ACACB: variants seen among roughly 807,000 people sequenced by gnomAD.
ACACB encodes acetyl-CoA carboxylase beta.
A neutral mutation model predicts 278.8 loss-of-function variants in ACACB; 209 were observed. The observed-to-expected ratio is 0.75, with a 90% CI of 0.67 to 0.84. The LOEUF (loss-of-function observed/expected upper bound fraction) is 0.84, where lower values mean the gene tolerates loss of function less well. ACACB is among the 40% of genes least tolerant of loss of function. The pLI is 0.00. For missense variants in ACACB, 2,850 were observed against 3,269.0 expected, an observed-to-expected ratio of 0.87 and a Z score of 3.13; for synonymous variants, 1,174 against 1,285.6, an observed-to-expected ratio of 0.91 and a Z score of 1.86.
chr12:109,164,851 G>A (rs2043847042), intron 2 of ACACB, among the ~76,000 whole-genome samples: 1 of 148,342 alleles, frequency 6.7e-6, no homozygotes, highest in African/African-American at 2.5e-5. Flanking sequence ...CCAAGGTGCT[G>A]GGATTACAGG....
intron 10 of ACACB, 129 bp from the exon 11 acceptor site, chr12:109,179,788 G>A (rs1231488353): frequency 9.0e-7 from 1 of 1,114,924 alleles, no homozygotes; most frequent in African/African-American, 1.6e-5. Flanking sequence ...ACCACACCTG[G>A]CCAGTCCCAA....
intron 51 of ACACB, 53 bp from the exon 52 acceptor site, chr12:109,265,336 C>G (rs562936713): frequency 6.2e-7 from 1 of 1,610,492 alleles, no homozygotes; most frequent in Non-Finnish European, 8.5e-7. Context: ...GGGGCTGAGA[C>G]AGCTGGCCCA....
chr12:109,258,509 G>C, intron 46 of ACACB, 145 bp downstream of exon 46: 1 of 627,354 alleles, frequency 1.6e-6, no homozygotes, highest in South Asian at 2.0e-5. Flanking sequence ...GGGGGGCTCA[G>C]TGCCTGTTTC....
At chr12:109,203,498 TA>T (rs2045398636) in intron 19 of ACACB, among the ~76,000 whole-genome samples, 1 of 152,248 alleles carries the variant, frequency 6.6e-6, no homozygotes, top group African/African-American at 2.4e-5. Context: ...CTTGTTGCTT[TA>T]TTATTTGGCC....
At chr12:109,242,613 G>A (rs1285042652) in intron 37 of ACACB, 21 bp downstream of exon 37, 4 of 1,613,296 alleles carry the variant, frequency 2.5e-6, no homozygotes, top group South Asian at 1.1e-5. Context: ...CGGCTCAGAC[G>A]CGGTACCCCC....
At chr12:109,199,627 C>A in intron 18 of ACACB, 75 bp downstream of exon 18, 1 of 1,318,466 alleles carries the variant, frequency 7.6e-7, no homozygotes, top group Admixed American at 3.0e-5. Flanking sequence ...CATGTCTGAA[C>A]AAACAGGCCT....
At chr12:109,210,222 T>TATGTATATATGTATATATACACACAC (rs2045729585) in intron 21 of ACACB, among the ~76,000 whole-genome samples, 3 of 11,602 alleles carry the variant, frequency 2.6e-4, no homozygotes, top group Admixed American at 1.1e-3. Context: ...TATACACACA[T>TATGTATATATGTATATATACACACAC]GTGTGTATAT....
At chr12:109,169,016 G>T (rs935277846) in intron 4 of ACACB, among the ~76,000 whole-genome samples, 2 of 151,770 alleles carry the variant, frequency 1.3e-5, no homozygotes, top group African/African-American at 4.8e-5. Context: ...ATGGTGGCAG[G>T]TGCCTGTAGT....
rs1388414887 is a variant in ACACB, at chr12:109,185,748, A to T, written c.1980+8A>T. Reference sequence around the variant, plus strand: ...AGCGAAAACCCAGACGAGGCAAGTTATGGGGGCCCCTGTGTTTCCACCATC... The same window carrying T: ...AGCGAAAACCCAGACGAGGCAAGTTTTGGGGGCCCCTGTGTTTCCACCATC... On this transcript the variant is annotated splice_region_variant and intron_variant, in intron 12 of 52. Coordinates refer to ENST00000338432, the MANE Select transcript of ACACB (RefSeq NM_001093.4). The T allele has an allele frequency of 1.9e-6, 3 of 1,604,740 alleles. No homozygotes were observed. Among genetic ancestry groups the T allele is most frequent in the East Asian group, 2.3e-5 (1 of 44,402 alleles).
intron 41 of ACACB, 129 bp from the exon 42 acceptor site, chr12:109,251,917 C>T (rs769996206): frequency 5.0e-6 from 3 of 598,590 alleles, no homozygotes; most frequent in Non-Finnish European, 8.4e-6. Context: ...TGGTTTGGCT[C>T]CAAATCGGGT....
At chr12:109,187,550 C>T (rs1385768285) in intron 12 of ACACB, among the ~76,000 whole-genome samples, 1 of 151,856 alleles carries the variant, frequency 6.6e-6, no homozygotes, top group East Asian at 1.9e-4. Context: ...AGCCTAATCT[C>T]CTGGGCTCAA....
intron 2 of ACACB, among the ~76,000 whole-genome samples, chr12:109,141,141 G>A (rs902290415): frequency 5.3e-5 from 8 of 151,818 alleles, no homozygotes; most frequent in Non-Finnish European, 7.4e-5. Context: ...GGACTCAAGC[G>A]ATCCTCGGTC....
chr12:109,169,182 G>GTCAGGTCT (rs1407109544), intron 4 of ACACB, among the ~76,000 whole-genome samples: 5 of 145,790 alleles, frequency 3.4e-5, no homozygotes, highest in Non-Finnish European at 7.5e-5. Flanking sequence ...ACCAACATAA[G>GTCAGGTCT]TCAGGTCTTC....
chr12:109,199,428 C>T lies in ACACB; in HGVS notation c.2654C>T (p.Thr885Met), dbSNP rs775472026. 7.8e-6 allele frequency: 12 copies of T among 1,537,578 alleles called. No individual in the cohort carries two copies. In the Admixed American group the frequency reaches 1.6e-4, roughly 20 times the overall value. The change falls in exon 18 of 53, where the codon ACG (threonine) becomes ATG (methionine). Residue 885 changes from threonine to methionine, a missense_variant. Thr to Met is a moderately conservative substitution (Grantham distance 81). Around this residue, in one of 3 missense-constraint regions of ACACB, gnomAD observed 2,265 missense variants for 2,561.3 expected, o/e 0.88. Transcript: ENST00000338432. ...TACCGAATTACCATCGGCAATAAGA[C>T]GTGTGTGTTTGAGAAGGAGAACGAT... ...DSYRITIGNK[T>M]CVFEKENDPT...
At chr12:109,115,399 T>G (rs1182391761), upstream of ACACB, among the ~76,000 whole-genome samples, 2 of 152,214 alleles carry the variant, frequency 1.3e-5, no homozygotes, top group Non-Finnish European at 2.9e-5. Flanking sequence ...GCCTAAGAAT[T>G]TTTTTCAATG....
chr12:109,184,990 G>A (rs2044604759), intron 11 of ACACB, among the ~76,000 whole-genome samples: 1 of 152,168 alleles, frequency 6.6e-6, no homozygotes, highest in Admixed American at 6.5e-5. Context: ...GGGATTACAG[G>A]CATGGACACT....
chr12:109,213,702 C>A (rs967269187), intron 22 of ACACB, among the ~76,000 whole-genome samples: 11 of 151,782 alleles, frequency 7.2e-5, no homozygotes, highest in Admixed American at 6.6e-5. Context: ...TCACGCCATT[C>A]TTCTGCTGCC....
At chr12:109,212,495 G>A (rs2136440249) in intron 21 of ACACB, among the ~76,000 whole-genome samples, 1 of 152,296 alleles carries the variant, frequency 6.6e-6, no homozygotes, top group East Asian at 1.9e-4. Flanking sequence ...ATGGGAGACA[G>A]CGACAGATCA....
At chr12:109,221,196 G>A (rs1320593256) in intron 24 of ACACB, among the ~76,000 whole-genome samples, 1 of 152,160 alleles carries the variant, frequency 6.6e-6, no homozygotes, top group Non-Finnish European at 1.5e-5. Flanking sequence ...ATATCAATAT[G>A]TTGAAGTTTT....
Sources: allele counts gnomAD v4.1 joint callset (sites outside exome capture counted in the v4.1 genomes callset), GRCh38; gene constraint gnomAD v4.1.1; regional missense constraint gnomAD v4.1.1; transcripts MANE v1.5; gene names NCBI Gene and HGNC (gene_info 2026-07-23, HGNC 2026-07-21).